Variants in COL4A1 observed in about 807,000 individuals in gnomAD.
COL4A1 encodes collagen type IV alpha 1 chain.
Under a neutral mutation model 216.6 loss-of-function variants are expected in COL4A1, and 40 were observed. That is an observed-to-expected ratio of 0.18 (90% CI 0.14 to 0.24). The LOEUF (loss-of-function observed/expected upper bound fraction) is 0.24. Among genes scored for constraint, COL4A1 ranks in the 10% least tolerant of loss-of-function variants. The probability of loss-of-function intolerance (pLI) is 1.00; values close to 1 mark genes in which losing one functional copy is unlikely to be tolerated. For synonymous variants in COL4A1, 839 were observed against 810.7 expected (o/e 1.03, Z -0.59); for missense variants, 1,628 against 2,196.8 (o/e 0.74, Z 5.18).
rs146598127 is a variant in COL4A1, at chr13:110,170,576, C to T, written c.3713G>A (p.Arg1238His). ...CAGGCCAGGCTGGCCCTGAGGTCCG[C>T]GGTCTCCTTTGGGCCCCTCCGTGGC... The part of the protein sequence containing the change: ...GHATEGPKGD[R>H]GPQGQPGLPG... Residue 1238 changes from arginine to histidine, a missense_variant, in exon 42 of 52, where the codon CGC becomes CAC. Transcript: ENST00000375820. The T allele has an allele frequency of 2.7e-5, 44 of 1,607,754 alleles. No homozygotes were observed. The highest frequency in any genetic ancestry group is 2.7e-4 in the Admixed American group (16 of 59,268).
chr13:110,160,493 A>G lies in COL4A1; in HGVS notation c.4640+699T>C, dbSNP rs1877032638. 2.6e-5 allele frequency among the ~76,000 whole-genome samples: 4 copies of G among 152,332 alleles called. No homozygotes were observed. The South Asian group carries it at 6.2e-4, about 24-fold the overall frequency. On this transcript the variant is annotated intron_variant, in intron 49 of 51. Coordinates refer to ENST00000375820, the MANE Select transcript of COL4A1 (RefSeq NM_001845.6). ...TCATAGGGGCAGGGATGATTCAGAAAACAATGTCTTAAAAGGCTCCTTGGG... is the reference window on the plus strand; with the variant it reads ...TCATAGGGGCAGGGATGATTCAGAAGACAATGTCTTAAAAGGCTCCTTGGG...
At chr13:110,170,393 C>T (rs1017373188) in intron 42 of COL4A1, among the ~76,000 whole-genome samples, 154 bp downstream of exon 42, 14 of 152,232 alleles carry the variant, frequency 9.2e-5, no homozygotes, top group South Asian at 2.1e-4. Context: ...AGCTTTGACT[C>T]GATGGGGGCC....
At chr13:110,240,665 C>T (rs1302827446) in intron 2 of COL4A1, among the ~76,000 whole-genome samples, 1 of 152,246 alleles carries the variant, frequency 6.6e-6, no homozygotes, top group East Asian at 1.9e-4. Context: ...AGGTGCTGGA[C>T]ACCGCCTCCC....
chr13:110,267,910 G>T (rs1253695607), intron 1 of COL4A1, among the ~76,000 whole-genome samples: 1 of 151,880 alleles, frequency 6.6e-6, no homozygotes, highest in Admixed American at 6.6e-5. Flanking sequence ...AAATATGTAG[G>T]TCAGGATTTT....
At chr13:110,280,915 C>T (rs1289187155) in intron 1 of COL4A1, among the ~76,000 whole-genome samples, 4 of 152,024 alleles carry the variant, frequency 2.6e-5, no homozygotes, top group Admixed American at 1.3e-4. Flanking sequence ...TCAATATATG[C>T]AACTATCTAC....
intron 2 of COL4A1, among the ~76,000 whole-genome samples, chr13:110,237,867 C>A (rs1386109461): frequency 6.6e-6 from 1 of 152,184 alleles, no homozygotes; most frequent in Non-Finnish European, 1.5e-5. Flanking sequence ...TTTGCCATAA[C>A]AAAAGAAAGG....
intron 1 of COL4A1, among the ~76,000 whole-genome samples, chr13:110,251,584 A>G (rs1400460235): frequency 6.6e-6 from 1 of 152,242 alleles, no homozygotes. Flanking sequence ...GCTGCAAGGG[A>G]GGTGAGCAGA....
intron 33 of COL4A1, 102 bp downstream of exon 33, chr13:110,177,740 G>A: frequency 8.2e-7 from 1 of 1,225,746 alleles, no homozygotes; most frequent in East Asian, 2.4e-5. Context: ...TTCTTTTGTA[G>A]GCGTCTTAAA....
rs1003525454 is a variant in COL4A1, at chr13:110,175,328, T to C, written c.3088A>G (p.Ile1030Val). ...CCAGGTGAACCTTGTGGGCCAGGGA[T>C]GCCAGGCACACCTTTCTCTCCAGGT... ...GTPGEKGVPG[I>V]PGPQGSPGLP... Residue 1030 changes from isoleucine (I) to valine (V), a missense_variant, in exon 37 of 52, where the codon ATC becomes GTC. By Grantham distance (29) the Ile-to-Val change is conservative. Transcript: ENST00000375820. 6.2e-7 allele frequency: 1 copy of C among 1,614,124 alleles called. No individual in the cohort carries two copies. Among genetic ancestry groups the C allele is most frequent in the African/African-American group, 1.3e-5 (1 of 74,948 alleles).
chr13:110,251,497 C>A lies in COL4A1; in HGVS notation c.85-8763G>T, dbSNP rs933826575. Among the ~76,000 whole-genome samples, 7 of 150,760 alleles carry A rather than the reference C, an allele frequency of 4.6e-5. 1 individual carries two copies. Among genetic ancestry groups the A allele is most frequent in the Non-Finnish European group, 1.5e-5 (1 of 68,024 alleles). The stretch of plus-strand genomic sequence containing the variant: ...ACTGCACGCCTGCATGGGCCAGGCA[C>A]CCCCCAGTGCTAAGAATACAGAGCT... On this transcript the variant is annotated intron_variant, in intron 1 of 51. Transcript: ENST00000375820.
At position 110,206,731 on chromosome 13, in the gene COL4A1, A is replaced by C. The variant is rs750121255; in HGVS notation, c.808-16T>G. Reference sequence around the variant, plus strand: ...CTGGCATCCCCTTAAAGGAATAAAAAGACAAAGAGATTTATTCGTCTATTT... The same window carrying C: ...CTGGCATCCCCTTAAAGGAATAAAACGACAAAGAGATTTATTCGTCTATTT... On this transcript the variant is annotated splice_polypyrimidine_tract_variant and intron_variant, in intron 14 of 51. Transcript: ENST00000375820. 6 of 1,613,794 alleles carry C rather than the reference A, an allele frequency of 3.7e-6. No individual in the cohort carries two copies. The Admixed American group carries it at 6.7e-5, about 18-fold the overall frequency.
intron 39 of COL4A1, 64 bp downstream of exon 39, chr13:110,174,382 G>A (rs1877780047): frequency 1.9e-6 from 3 of 1,569,354 alleles, no homozygotes; most frequent in Admixed American, 1.7e-5. Flanking sequence ...ACTCCTTGGG[G>A]CCTCCCATCC....
At chr13:110,169,933 G>GAGGA (rs1877534406) in intron 42 of COL4A1, among the ~76,000 whole-genome samples, 171 bp from the exon 43 acceptor site, 2 of 148,820 alleles carry the variant, frequency 1.3e-5, no homozygotes, top group Non-Finnish European at 1.5e-5. Context: ...AGGAAGGAGG[G>GAGGA]AGGGAGGGAG....
At chr13:110,276,085 A>C (rs1409419360) in intron 1 of COL4A1, among the ~76,000 whole-genome samples, 1 of 151,734 alleles carries the variant, frequency 6.6e-6, no homozygotes, top group Non-Finnish European at 1.5e-5. Flanking sequence ...GTGTCGGTGC[A>C]GGTTCACGCA....
intron 1 of COL4A1, among the ~76,000 whole-genome samples, chr13:110,290,034 G>A (rs34173149): frequency 0.15 from 22,742 of 152,178 alleles, 1,730 homozygotes; most frequent in South Asian, 0.26. Flanking sequence ...GATGCTGCCG[G>A]GGGGCACAGC....
intron 4 of COL4A1, 71 bp downstream of exon 4, chr13:110,213,711 A>T: frequency 6.7e-7 from 1 of 1,484,074 alleles, no homozygotes; most frequent in Non-Finnish European, 9.4e-7. Context: ...AGGAGGGAAA[A>T]GGTGCCCGGC....
intron 2 of COL4A1, among the ~76,000 whole-genome samples, chr13:110,230,097 CGAG>C (rs997544770): frequency 1.1e-4 from 16 of 147,910 alleles, no homozygotes; most frequent in African/African-American, 4.0e-4. Flanking sequence ...AACAGGTGGA[CGAG>C]GAGGGCTCCA....
At chr13:110,303,750 G>T (rs1489741160) in intron 1 of COL4A1, among the ~76,000 whole-genome samples, 2 of 152,194 alleles carry the variant, frequency 1.3e-5, no homozygotes, top group African/African-American at 2.4e-5. Flanking sequence ...GGATTCGTCT[G>T]TTTCTTTTCC....
At chr13:110,272,304 CAT>C (rs1366602530) in intron 1 of COL4A1, among the ~76,000 whole-genome samples, 1 of 152,196 alleles carries the variant, frequency 6.6e-6, no homozygotes, top group Non-Finnish European at 1.5e-5. Context: ...TGTAATTTCA[CAT>C]AGACCGTAGA....
Sources: gnomAD v4.1 joint callset for allele counts (sites outside exome capture counted in the v4.1 genomes callset) on GRCh38, gnomAD v4.1.1 for gene constraint, MANE v1.5 for transcripts, NCBI Gene and HGNC (gene_info 2026-07-23, HGNC 2026-07-21) for gene names.